Variants in ATXN7L1 observed in about 807,000 individuals in gnomAD.
The protein encoded by ATXN7L1 is ataxin 7 like 1.
In ATXN7L1, 15 loss-of-function variants were observed where a neutral mutation model predicts 70.8. The ratio of observed to expected loss-of-function variants is 0.21; its 90% CI spans 0.14 to 0.33. The LOEUF (loss-of-function observed/expected upper bound fraction) is 0.33, where lower values mean the gene tolerates loss of function less well. Among genes scored for constraint, ATXN7L1 ranks in the 10% least tolerant of loss-of-function variants. ATXN7L1 has a pLI of 1.00. For missense variants in ATXN7L1, 975 were observed against 1,097.1 expected, an observed-to-expected ratio of 0.89 and a Z score of 1.57; for synonymous variants, 440 against 445.1, an observed-to-expected ratio of 0.99 and a Z score of 0.14.
chr7:105,627,975 G>T (rs1450245429), intron 7 of ATXN7L1, among the ~76,000 whole-genome samples: 4 of 149,168 alleles, frequency 2.7e-5, no homozygotes, highest in African/African-American at 9.9e-5. Context: ...CTCCTGAGTA[G>T]CTGGGATTAC....
intron 2 of ATXN7L1, among the ~76,000 whole-genome samples, chr7:105,859,360 T>C (rs1386120715): frequency 1.3e-5 from 2 of 152,120 alleles, no homozygotes; most frequent in African/African-American, 2.4e-5. Context: ...GTGATGTCTA[T>C]AACTTATTTT....
intron 2 of ATXN7L1, among the ~76,000 whole-genome samples, chr7:105,802,904 G>C (rs1807030770): frequency 6.6e-6 from 1 of 152,154 alleles, no homozygotes; most frequent in Non-Finnish European, 1.5e-5. Context: ...GTCTCTATGG[G>C]GTTTGTGTCT....
intron 9 of ATXN7L1, 47 bp downstream of exon 9, chr7:105,620,153 C>T: frequency 6.5e-7 from 1 of 1,545,442 alleles, no homozygotes; most frequent in South Asian, 1.2e-5. Flanking sequence ...TTTCAGGTAA[C>T]TGTGGGGCAG....
rs1003603164 is a variant in ATXN7L1 at position 105,613,889 on chromosome 7, A to T, written c.2445T>A (p.Asp815Glu). ...NPPSLLAPVP[D>E]PVNSTSSRQV... Reference sequence around the variant, plus strand: ...GCCGAGAGGAGGTGCTGTTAACGGGATCGGGCACCGGTGCGAGAAGGCTGG... The same window carrying T: ...GCCGAGAGGAGGTGCTGTTAACGGGTTCGGGCACCGGTGCGAGAAGGCTGG... The change falls in exon 10 of 12, where the codon GAT becomes GAA. Residue 815 changes from aspartate (D) to glutamate (E), a missense_variant. Physicochemically the swap from Asp to Glu is conservative, Grantham distance 45 (BLOSUM62 2). Coordinates refer to ENST00000419735, the MANE Select transcript of ATXN7L1 (RefSeq NM_020725.2). 1.9e-5 allele frequency: 29 copies of T among 1,551,966 alleles called. No homozygotes were observed. The highest frequency in any genetic ancestry group is 2.3e-5 in the Non-Finnish European group (26 of 1,147,010).
chr7:105,771,685 G>T (rs1802031617), intron 3 of ATXN7L1, among the ~76,000 whole-genome samples: 1 of 152,152 alleles, frequency 6.6e-6, no homozygotes. Flanking sequence ...ATTCTTTATT[G>T]TAATTACCAG....
At chr7:105,793,982 A>G (rs909736551) in intron 2 of ATXN7L1, among the ~76,000 whole-genome samples, 2 of 15,338 alleles carry the variant, frequency 1.3e-4, no homozygotes, top group Non-Finnish European at 3.1e-4. Flanking sequence ...CACCCCACCC[A>G]TCCATCCACC....
chr7:105,659,801 A>G (rs1287911121), intron 4 of ATXN7L1, among the ~76,000 whole-genome samples: 1 of 151,750 alleles, frequency 6.6e-6, no homozygotes, highest in Non-Finnish European at 1.5e-5. Context: ...GTCTACACTG[A>G]TGACTCTCTA....
intron 3 of ATXN7L1, among the ~76,000 whole-genome samples, chr7:105,670,638 G>C (rs1009641890): frequency 3.3e-5 from 5 of 150,432 alleles, no homozygotes; most frequent in Non-Finnish European, 7.4e-5. Flanking sequence ...CTACTCTCTT[G>C]CTGTCTACCT....
At position 105,811,492 on chromosome 7, in the gene ATXN7L1, CA is replaced by C. The variant is rs76373166; in HGVS notation, c.251-22785del. Among the ~76,000 whole-genome samples the C allele has an allele frequency of 0.011, 1,736 of 152,212 alleles. 69 individuals carry two copies. The East Asian group carries it at 0.13, about 11-fold the overall frequency. On this transcript the variant is annotated intron_variant, in intron 2 of 11. Coordinates refer to ENST00000419735, the MANE Select transcript of ATXN7L1 (RefSeq NM_020725.2). ...TTGCGGCAGCCCTAGCAAACTATTA[CA>C]GGGGGTAAGCTAACAATTCAGTTTT...
chr7:105,753,829 T>G (rs371524862), intron 3 of ATXN7L1, among the ~76,000 whole-genome samples: 21 of 152,366 alleles, frequency 1.4e-4, no homozygotes, highest in African/African-American at 4.3e-4. Context: ...GAGTTTTCTC[T>G]TTCAGAATCA....
At chr7:105,692,166 G>C (rs1790966502) in intron 3 of ATXN7L1, among the ~76,000 whole-genome samples, 1 of 152,142 alleles carries the variant, frequency 6.6e-6, no homozygotes. Flanking sequence ...AACTGGTTGG[G>C]GGAGGGGGAG....
Position 105,614,037 on chromosome 7 carries a change from GAC to G in ATXN7L1, c.2295_2296del (p.Ser766PhefsTer7). ...TTTGTCAAAAGAGAGGGGCAGAGAA[GAC>G]ACAGCATTGTGTGAGGCCAGAGAGA... On this transcript the variant is annotated frameshift_variant, in exon 10 of 12. Transcript: ENST00000419735. LOFTEE classifies it high-confidence loss of function. The surrounding 1 kb of genome is among the most constrained non-coding windows in gnomAD (Gnocchi z 4.3). The G allele has an allele frequency of 6.4e-7, 1 of 1,551,978 alleles. No individual in the cohort carries two copies. The highest frequency in any genetic ancestry group is 8.7e-7 in the Non-Finnish European group (1 of 1,147,050).
intron 3 of ATXN7L1, among the ~76,000 whole-genome samples, chr7:105,692,198 T>G (rs1790975437): frequency 6.6e-6 from 1 of 152,000 alleles, no homozygotes; most frequent in Non-Finnish European, 1.5e-5. Context: ...CACACTGCGG[T>G]TATTAGCAGA....
At chr7:105,676,117 G>A (rs1481996444) in intron 3 of ATXN7L1, among the ~76,000 whole-genome samples, 7 of 152,252 alleles carry the variant, frequency 4.6e-5, no homozygotes, top group Non-Finnish European at 1.5e-5. Context: ...GCAAGCTGCT[G>A]CCCGAAGGAC....
chr7:105,873,872 A>C (rs565000124), intron 2 of ATXN7L1, among the ~76,000 whole-genome samples: 1 of 152,308 alleles, frequency 6.6e-6, no homozygotes, highest in Non-Finnish European at 1.5e-5. Flanking sequence ...TCATGCCTGT[A>C]ATTCCAGCAC....
rs1465211049 is a variant in ATXN7L1, at chr7:105,767,266, G to A, written c.355+21338C>T. ...AGCCCCCAAGATTCCAGCTTTCCTG[G>A]GGGTAGAAGGGAGGCCCACCGGGAG... On this transcript the variant is annotated intron_variant, in intron 3 of 11. Transcript: ENST00000419735. Among the ~76,000 whole-genome samples, 28 of 152,066 alleles carry A rather than the reference G, an allele frequency of 1.8e-4. 1 individual carries two copies. Among genetic ancestry groups the A allele is most frequent in the Non-Finnish European group, 2.9e-5 (2 of 67,996 alleles).
At chr7:105,623,076 C>T (rs1562908177) in intron 8 of ATXN7L1, among the ~76,000 whole-genome samples, 1 of 152,132 alleles carries the variant, frequency 6.6e-6, no homozygotes, top group South Asian at 2.1e-4. Flanking sequence ...CATTCTTAAT[C>T]GTCCCTATTT....
At chr7:105,629,718 A>C (rs1796305480) in intron 7 of ATXN7L1, among the ~76,000 whole-genome samples, 1 of 151,798 alleles carries the variant, frequency 6.6e-6, no homozygotes, top group Non-Finnish European at 1.5e-5. Context: ...GGATTAAGCC[A>C]TGTTAACCAG....
chr7:105,772,070 T>A (rs1218044631), intron 3 of ATXN7L1, among the ~76,000 whole-genome samples: 1 of 133,062 alleles, frequency 7.5e-6, no homozygotes, highest in East Asian at 2.1e-4. Context: ...GGAATTTTTT[T>A]TTTTTTTTTT....
Sources: allele counts gnomAD v4.1 joint callset (sites outside exome capture counted in the v4.1 genomes callset), GRCh38; gene constraint gnomAD v4.1.1; non-coding constraint Gnocchi (gnomAD v3.1); transcripts MANE v1.5; gene names NCBI Gene and HGNC (gene_info 2026-07-23, HGNC 2026-07-21).